Variants in TIAM2 observed in about 807,000 individuals in gnomAD.
TIAM2 encodes the protein TIAM Rac1 associated GEF 2.
TIAM2 carries 80 observed loss-of-function variants against 152.9 expected under a neutral mutation model. That is an observed-to-expected ratio of 0.52 (90% CI 0.44 to 0.63). The LOEUF is 0.63. TIAM2 is among the 30% of genes least tolerant of loss of function. TIAM2 has a pLI of 0.00. For missense variants in TIAM2, 1,965 were observed against 2,120.1 expected (o/e 0.93, Z 1.44); for synonymous variants, 804 against 838.0 (o/e 0.96, Z 0.70).
intron 1 of TIAM2, among the ~76,000 whole-genome samples, chr6:155,060,966 C>T (rs1777566976): frequency 1.3e-5 from 2 of 150,788 alleles, no homozygotes; most frequent in Admixed American, 6.6e-5. Context: ...TTTTAGTGTC[C>T]TGGTACTACA....
chr6:155,160,267 A>C (rs184465784), intron 7 of TIAM2, among the ~76,000 whole-genome samples: 2 of 152,164 alleles, frequency 1.3e-5, no homozygotes, highest in Non-Finnish European at 2.9e-5. Context: ...CAAGGGGGAA[A>C]AAAAGCCAGT....
At chr6:155,085,209 G>T (rs1778149304) in intron 1 of TIAM2, among the ~76,000 whole-genome samples, 1 of 152,158 alleles carries the variant, frequency 6.6e-6, no homozygotes, top group South Asian at 2.1e-4. Flanking sequence ...CGAGGCTAAA[G>T]TAAACCCAGC....
intron 1 of TIAM2, among the ~76,000 whole-genome samples, chr6:155,004,451 C>T (rs1472574675): frequency 6.6e-6 from 1 of 152,130 alleles, no homozygotes; most frequent in African/African-American, 2.4e-5. Flanking sequence ...AGTGCAGTGA[C>T]ATGATCTTGG....
At chr6:155,016,515 G>GGTAAATTTAAATGTAAATT (rs1357953033) in intron 1 of TIAM2, among the ~76,000 whole-genome samples, 1 of 137,788 alleles carries the variant, frequency 7.3e-6, no homozygotes, top group South Asian at 2.3e-4. Context: ...ACATTTAAAT[G>GGTAAATTTAAATGTAAATT]GTATTTACAT....
chr6:155,254,727 C>T, intron 26 of TIAM2, 154 bp downstream of exon 26: 1 of 960,720 alleles, frequency 1.0e-6, no homozygotes, highest in Non-Finnish European at 1.5e-6. Context: ...CCTCTTGCTC[C>T]CAGACGTTCT....
At position 155,245,226 on chromosome 6, in the gene TIAM2, C is replaced by T. The variant is rs184686647; in HGVS notation, c.3544-397C>T. On this transcript the variant is annotated intron_variant, in intron 18 of 26. Transcript: ENST00000682666. The stretch of plus-strand genomic sequence containing the variant: ...AGTGCTCCATAGCATCCGTGTAAGC[C>T]GCAGTGTGGCAGGAAGCCCCTCCAA... Among the ~76,000 whole-genome samples, 192 of 152,314 alleles carry T rather than the reference C, an allele frequency of 1.3e-3. 1 individual carries two copies. Among genetic ancestry groups the T allele is most frequent in the Non-Finnish European group, 1.1e-3 (73 of 68,034 alleles).
At chr6:155,135,322 C>G (rs1054935333) in intron 4 of TIAM2, among the ~76,000 whole-genome samples, 1 of 152,190 alleles carries the variant, frequency 6.6e-6, no homozygotes, top group Non-Finnish European at 1.5e-5. Flanking sequence ...GGAAACCTCT[C>G]TATACAATGT....
chr6:155,069,445 A>G (rs1777784413), intron 1 of TIAM2, among the ~76,000 whole-genome samples: 1 of 137,036 alleles, frequency 7.3e-6, no homozygotes, highest in Non-Finnish European at 1.7e-5. Context: ...AGCTGAATGA[A>G]AGAACGACCA....
chr6:155,196,544 A>G (rs1781351352), intron 14 of TIAM2, among the ~76,000 whole-genome samples: 1 of 152,218 alleles, frequency 6.6e-6, no homozygotes, highest in African/African-American at 2.4e-5. Flanking sequence ...CTTACCTAGA[A>G]GATGCTCTAA....
intron 2 of TIAM2, among the ~76,000 whole-genome samples, chr6:155,120,507 G>A (rs1779126576): frequency 6.6e-6 from 1 of 152,176 alleles, no homozygotes; most frequent in Non-Finnish European, 1.5e-5. Context: ...TGCATTCTGA[G>A]TGTAGTTCAT....
intron 2 of TIAM2, among the ~76,000 whole-genome samples, chr6:155,099,452 A>T (rs1778503758): frequency 6.6e-6 from 1 of 152,120 alleles, no homozygotes; most frequent in Admixed American, 6.5e-5. Flanking sequence ...AGACATCTTC[A>T]GTTTGCTTTT....
At chr6:155,164,021 A>G (rs1209041684) in intron 7 of TIAM2, among the ~76,000 whole-genome samples, 4 of 149,002 alleles carry the variant, frequency 2.7e-5, no homozygotes, top group Non-Finnish European at 5.9e-5. Context: ...GTGCAGTGGC[A>G]TGATCTTGGC....
intron 1 of TIAM2, among the ~76,000 whole-genome samples, chr6:155,042,902 ATC>A (rs1011803724): frequency 2.6e-5 from 4 of 152,156 alleles, no homozygotes; most frequent in African/African-American, 9.7e-5. Context: ...TTTGAGCACC[ATC>A]TCCTCAATCT....
intron 1 of TIAM2, among the ~76,000 whole-genome samples, chr6:155,065,570 G>A (rs1257354595): frequency 6.6e-6 from 1 of 151,930 alleles, no homozygotes; most frequent in East Asian, 1.9e-4. Context: ...CTGAGCTCAG[G>A]AGTTCGAGAC....
Position 155,144,776 on chromosome 6 carries a change from C to CACA in TIAM2, c.1802_1803insCAA (p.Gln601delinsHisLys). ...CTCCTTTGGAGATGTCTACCTTTTC[C>CACA]AGGTACTGCTGGTACTTTGTAAGTG... On this transcript the variant is annotated protein_altering_variant and splice_region_variant, in exon 6 of 27. Transcript: ENST00000682666. The CACA allele has an allele frequency of 3.7e-6, 6 of 1,607,752 alleles. No individual in the cohort carries two copies. Among genetic ancestry groups the CACA allele is most frequent in the Non-Finnish European group, 5.1e-6 (6 of 1,177,894 alleles).
chr6:155,168,515 T>G (rs1460544018), intron 9 of TIAM2, among the ~76,000 whole-genome samples: 1 of 151,804 alleles, frequency 6.6e-6, no homozygotes, highest in Non-Finnish European at 1.5e-5. Context: ...TGCCACCACA[T>G]CTGGCTAATT....
intron 1 of TIAM2, among the ~76,000 whole-genome samples, chr6:155,075,984 A>T (rs1777949187): frequency 6.6e-6 from 1 of 152,180 alleles, no homozygotes; most frequent in African/African-American, 2.4e-5. Flanking sequence ...GAATACCCAC[A>T]TCAGCTGTTA....
chr6:155,228,391 C>T (rs1284281618), intron 15 of TIAM2, among the ~76,000 whole-genome samples: 1 of 152,106 alleles, frequency 6.6e-6, no homozygotes, highest in African/African-American at 2.4e-5. Flanking sequence ...ATTGTCCAAT[C>T]ATGAATATAT....
rs1431523967 is a variant in TIAM2 at position 155,028,992 on chromosome 6, CTG to C, written c.-209+33502_-209+33503del. ...CTATATATACTATGTTATATATACA[CTG>C]TATATACTATATATACTATGTTATA... On this transcript the variant is annotated intron_variant, in intron 1 of 26. Coordinates refer to ENST00000682666, the MANE Select transcript of TIAM2 (RefSeq NM_012454.4). 2.5e-5 allele frequency among the ~76,000 whole-genome samples: 3 copies of C among 118,710 alleles called. 1 individual carries two copies. The Admixed American group carries it at 2.9e-4, about 11-fold the overall frequency. The allele number at this position is 118,710 out of a possible 152,430, so 77.9% of individuals were successfully genotyped here. A position where few individuals can be genotyped will look rare whatever the true frequency, so the allele number is the denominator to read the frequency against.
Sources: gnomAD v4.1 joint callset for allele counts (sites outside exome capture counted in the v4.1 genomes callset) on GRCh38, gnomAD v4.1.1 for gene constraint, MANE v1.5 for transcripts, NCBI Gene and HGNC (gene_info 2026-07-23, HGNC 2026-07-21) for gene names.